The following ENTPD3 variants were observed in gnomAD, a reference collection of about 807,000 sequenced individuals.
ENTPD3 encodes the protein CD39 antigen-like 3.
ENTPD3 carries 60 observed loss-of-function variants against 51.2 expected under a neutral mutation model. That is an observed-to-expected ratio of 1.17 (90% CI 0.95 to 1.45). The LOEUF (loss-of-function observed/expected upper bound fraction) is 1.45, where lower values mean the gene tolerates loss of function less well. Ranked by LOEUF, ENTPD3 falls within the 40% of genes most tolerant of loss-of-function variation. The pLI is 0.00. For synonymous variants in ENTPD3, 221 were observed against 238.4 expected, an observed-to-expected ratio of 0.93 and a Z score of 0.67; for missense variants, 593 against 641.1, an observed-to-expected ratio of 0.93 and a Z score of 0.81.
At chr3:40,393,207 G>A (rs1955106077) in intron 3 of ENTPD3, among the ~76,000 whole-genome samples, 1 of 152,078 alleles carries the variant, frequency 6.6e-6, no homozygotes, top group Non-Finnish European at 1.5e-5. Flanking sequence ...TTTTGGGTAG[G>A]GGTCAGCAAA....
intron 10 of ENTPD3, among the ~76,000 whole-genome samples, chr3:40,426,097 T>TTTTTC (rs1955977157): frequency 6.9e-6 from 1 of 145,202 alleles, no homozygotes; most frequent in African/African-American, 2.5e-5. Context: ...TATCTTTTTC[T>TTTTTC]TTTTCTTTTC....
intron 4 of ENTPD3, among the ~76,000 whole-genome samples, chr3:40,407,128 A>G (rs930526269): frequency 2.2e-4 from 33 of 152,172 alleles, no homozygotes; most frequent in African/African-American, 7.7e-4. Context: ...TATTGGGGGC[A>G]GGGCAAAGCT....
chr3:40,388,023 A>G, intron 1 of ENTPD3, 23 bp from the exon 2 acceptor site: 1 of 1,609,122 alleles, frequency 6.2e-7, no homozygotes, highest in East Asian at 2.2e-5. Flanking sequence ...ACTTACTGAC[A>G]TCCTGTATTC....
chr3:40,406,341 G>A (rs1245692062), intron 4 of ENTPD3, among the ~76,000 whole-genome samples: 1 of 152,186 alleles, frequency 6.6e-6, no homozygotes, highest in Non-Finnish European at 1.5e-5. Flanking sequence ...TGAGAAATGA[G>A]ACTGAAGCTA....
chr3:40,404,961 G>A (rs1055778853), intron 4 of ENTPD3, among the ~76,000 whole-genome samples: 5 of 152,154 alleles, frequency 3.3e-5, no homozygotes, highest in African/African-American at 1.2e-4. Context: ...TTCTGTGCTG[G>A]TGTCTGTACC....
At chr3:40,403,569 T>G (rs1955420684) in intron 4 of ENTPD3, among the ~76,000 whole-genome samples, 1 of 152,056 alleles carries the variant, frequency 6.6e-6, no homozygotes, top group South Asian at 2.1e-4. Flanking sequence ...AGCTGACAGC[T>G]GGGACAATAA....
At chr3:40,423,150 C>G in intron 8 of ENTPD3, 28 bp downstream of exon 8, 1 of 1,596,352 alleles carries the variant, frequency 6.3e-7, no homozygotes, top group Non-Finnish European at 8.5e-7. Context: ...TGAAAGATTC[C>G]TTTCCCCATT....
At chr3:40,387,742 TTC>T (rs1182095395) in intron 1 of ENTPD3, among the ~76,000 whole-genome samples, 1 of 152,188 alleles carries the variant, frequency 6.6e-6, no homozygotes, top group East Asian at 1.9e-4. Flanking sequence ...GGAAGATTTG[TTC>T]TCTCTTGGGT....
rs1191881201 is a variant in ENTPD3, at chr3:40,427,456, GAAGA to G, written c.1543_1546del (p.Lys515GlyfsTer48). 2.5e-6 allele frequency: 4 copies of G among 1,613,454 alleles called. No individual in the cohort carries two copies. Among genetic ancestry groups the G allele is most frequent in the Admixed American group, 3.3e-5 (2 of 60,006 alleles). ...CTTGCATACCTGTGTTCAGCAACCA[GAAGA>G]AAGAGGCACTCCGAGCATGCCTTTG... On this transcript the variant is annotated frameshift_variant, in exon 11 of 11. Coordinates refer to ENST00000301825, the MANE Select transcript of ENTPD3 (RefSeq NM_001248.4). LOFTEE classifies it high-confidence loss of function.
chr3:40,391,797 A>G (rs1185402609), intron 2 of ENTPD3: 2 of 583,844 alleles, frequency 3.4e-6, no homozygotes, highest in South Asian at 2.3e-5. Context: ...ACACTGTTTT[A>G]GTACACAATT....
intron 3 of ENTPD3, chr3:40,392,375 C>T: frequency 1.9e-6 from 1 of 513,088 alleles, no homozygotes; most frequent in Non-Finnish European, 3.4e-6. Context: ...TCTCCAAGGA[C>T]TGTGTAGTCT....
chr3:40,426,950 C>T (rs537329334), intron 10 of ENTPD3, among the ~76,000 whole-genome samples: 1 of 152,284 alleles, frequency 6.6e-6, no homozygotes, highest in African/African-American at 2.4e-5. Context: ...ACTCATTAGC[C>T]TCTTTCTCTA....
chr3:40,398,557 A>C (rs1262044546), intron 3 of ENTPD3, among the ~76,000 whole-genome samples: 2 of 152,176 alleles, frequency 1.3e-5, no homozygotes. Context: ...GATTATGAAC[A>C]ATGCCACCCT....
intron 4 of ENTPD3, among the ~76,000 whole-genome samples, chr3:40,405,536 C>A (rs1005992215): frequency 1.3e-5 from 2 of 151,942 alleles, no homozygotes; most frequent in African/African-American, 4.8e-5. Context: ...AATAGTTGGC[C>A]GGAGCTCAAG....
intron 3 of ENTPD3, among the ~76,000 whole-genome samples, chr3:40,396,408 G>C (rs1001200506): frequency 5.3e-5 from 8 of 152,156 alleles, no homozygotes; most frequent in South Asian, 4.2e-4. Flanking sequence ...TTTTGCTTTC[G>C]TGTGCAGCTG....
chr3:40,405,268 G>C (rs1017600034), intron 4 of ENTPD3, among the ~76,000 whole-genome samples: 19 of 152,148 alleles, frequency 1.2e-4, no homozygotes, highest in African/African-American at 4.6e-4. Flanking sequence ...CACTTTGGGA[G>C]GTGAGGCGGG....
chr3:40,405,703 CT>C (rs1341713702), intron 4 of ENTPD3, among the ~76,000 whole-genome samples: 1 of 152,082 alleles, frequency 6.6e-6, no homozygotes, highest in African/African-American at 2.4e-5. Context: ...ATCCTATCTC[CT>C]TTTCCCTCTA....
chr3:40,416,909 C>A (rs917905589), intron 7 of ENTPD3, among the ~76,000 whole-genome samples: 18 of 152,164 alleles, frequency 1.2e-4, no homozygotes, highest in Admixed American at 1.0e-3. Flanking sequence ...GGTTAACCCA[C>A]GTTCGTCCAA....
intron 7 of ENTPD3, among the ~76,000 whole-genome samples, chr3:40,421,118 G>C (rs1206781537): frequency 6.6e-6 from 1 of 151,574 alleles, no homozygotes; most frequent in Non-Finnish European, 1.5e-5. Context: ...CCGCCTCCCG[G>C]GTTCAAGTGG....
Sources: gnomAD v4.1 joint callset for allele counts (sites outside exome capture counted in the v4.1 genomes callset) on GRCh38, gnomAD v4.1.1 for gene constraint, MANE v1.5 for transcripts, NCBI Gene and HGNC (gene_info 2026-07-23, HGNC 2026-07-21) for gene names.